Variants in PPP2R5C observed in about 807,000 individuals in gnomAD.
PPP2R5C encodes the protein protein phosphatase 2 regulatory subunit B'gamma.
In PPP2R5C, 7 loss-of-function variants were observed where a neutral mutation model predicts 68.9. The observed-to-expected ratio is 0.10, with a 90% CI of 0.06 to 0.19. The LOEUF (loss-of-function observed/expected upper bound fraction) is 0.19, where lower values mean the gene tolerates loss of function less well. Ranked by LOEUF, PPP2R5C falls within the 10% of genes least tolerant of loss-of-function variation. The pLI, the probability that PPP2R5C is intolerant of heterozygous loss-of-function variation, is 1.00. For synonymous variants in PPP2R5C, 210 were observed against 222.2 expected, an observed-to-expected ratio of 0.95 and a Z score of 0.49; for missense variants, 348 against 641.3, an observed-to-expected ratio of 0.54 and a Z score of 4.94.
chr14:101,922,187 AAG>A, intron 13 of PPP2R5C: 5 of 985,378 alleles, frequency 5.1e-6, no homozygotes, highest in Non-Finnish European at 4.8e-6. Flanking sequence ...AAAACAAAGA[AAG>A]AAATTTGGCA....
intron 3 of PPP2R5C, among the ~76,000 whole-genome samples, chr14:101,800,910 T>C (rs997815471): frequency 6.6e-6 from 1 of 152,180 alleles, no homozygotes; most frequent in African/African-American, 2.4e-5. Context: ...TAGAAACCTG[T>C]CATTTGCAGC....
chr14:101,780,212 A>G (rs1239663021), intron 2 of PPP2R5C, among the ~76,000 whole-genome samples: 1 of 152,200 alleles, frequency 6.6e-6, no homozygotes, highest in Non-Finnish European at 1.5e-5. Flanking sequence ...CTCAGGAGTA[A>G]GCATTAAATC....
At chr14:101,818,168 G>A (rs1159651627) in intron 1 of PPP2R5C, 1 of 152,136 alleles carries the variant, frequency 6.6e-6, no homozygotes, top group Non-Finnish European at 1.5e-5. Context: ...CATGTCCACG[G>A]CCTCAGTTCA....
chr14:101,769,970 C>G (rs772216816), intron 2 of PPP2R5C, among the ~76,000 whole-genome samples: 13 of 152,144 alleles, frequency 8.5e-5, no homozygotes, highest in African/African-American at 1.4e-4. Flanking sequence ...ATGGAATAGC[C>G]TGTCACTCCA....
chr14:101,826,329 G>A (rs1354571765), intron 1 of PPP2R5C, among the ~76,000 whole-genome samples: 1 of 152,166 alleles, frequency 6.6e-6, no homozygotes. Context: ...AGGGTGTGAG[G>A]TAAGGGTCCA....
rs1595173041 is a variant in PPP2R5C at position 101,791,275 on chromosome 14, G to T, written c.259+5092G>T. ...ATGGTGTCTCACTGTGGTTTCCATT[G>T]GCCTTTCCCCAATGACTGGAAATTT... is the stretch of plus-strand genomic sequence containing the variant. On this transcript the variant is annotated intron_variant, in intron 3 of 14. Coordinates refer to the PPP2R5C transcript ENST00000328724. Among the ~76,000 whole-genome samples, 9 of 152,136 alleles carry T rather than the reference G, an allele frequency of 5.9e-5. No individual in the cohort carries two copies. In the South Asian group the frequency reaches 1.9e-3, roughly 32 times the overall value.
intron 12 of PPP2R5C, 35 bp downstream of exon 14, chr14:101,912,508 G>T: frequency 1.3e-6 from 2 of 1,573,614 alleles, no homozygotes; most frequent in East Asian, 2.3e-5. Context: ...AAACGCCCAG[G>T]GTTACTTGAA....
intron 3 of PPP2R5C, among the ~76,000 whole-genome samples, chr14:101,804,333 A>T (rs1426647067): frequency 6.6e-6 from 1 of 152,218 alleles, no homozygotes; most frequent in Admixed American, 6.5e-5. Flanking sequence ...AAAACTAAAA[A>T]TTGAGCTACC....
At chr14:101,849,011 T>C (rs549330129) in intron 1 of PPP2R5C, among the ~76,000 whole-genome samples, 1 of 152,322 alleles carries the variant, frequency 6.6e-6, no homozygotes, top group African/African-American at 2.4e-5. Flanking sequence ...TAAATGAAAT[T>C]ATACTGAATA....
chr14:101,764,268 G>A lies in PPP2R5C; in HGVS notation c.93+1298G>A, dbSNP rs929078864. Among the ~76,000 whole-genome samples the A allele has an allele frequency of 4.6e-5, 7 of 152,216 alleles. No individual in the cohort carries two copies. In the South Asian group the frequency reaches 1.2e-3, roughly 27 times the overall value. ...CTAGGGCCAAGGGTCCAGGAGCTGC[G>A]TGGACCCAGGCAGAGCCAGTAGGTC... On this transcript the variant is annotated intron_variant, in intron 2 of 14. Coordinates refer to the PPP2R5C transcript ENST00000328724.
chr14:101,760,579 T>G (rs1595370173), upstream of PPP2R5C: 4 of 547,972 alleles, frequency 7.3e-6, no homozygotes, highest in Non-Finnish European at 8.8e-6. Context: ...CGGCAAAAGC[T>G]GCGGAGGGCG....
rs117110892 is a variant in PPP2R5C, at chr14:101,859,158, C to T, written c.294+2273C>T. ...GTTTTGGGGTGAGGAAATAGAATGG[C>T]GAACAAGACTTCTGCCCTCCTAAAG... is the stretch of plus-strand genomic sequence containing the variant. On this transcript the variant is annotated intron_variant, in intron 2 of 13. Transcript: ENST00000334743. Among the ~76,000 whole-genome samples, 21 of 152,310 alleles carry T rather than the reference C, an allele frequency of 1.4e-4. No individual in the cohort carries two copies. In the East Asian group the frequency reaches 4.0e-3, roughly 29 times the overall value.
chr14:101,899,464 CCCT>C lies in PPP2R5C; in HGVS notation c.853-2249_853-2247del. ...CGGATTCACATTCCCTGAGTAGACA[CCCT>C]CCTCCACAGAGCACGCCACACTGAC... On this transcript the variant is annotated intron_variant, in intron 8 of 13. Transcript: ENST00000334743. The surrounding 1 kb of genome is among the most constrained non-coding windows in gnomAD (Gnocchi z 4.2). Among the ~76,000 whole-genome samples the C allele has an allele frequency of 6.6e-6, 1 of 152,342 alleles. No individual in the cohort carries two copies. Among genetic ancestry groups the C allele is most frequent in the East Asian group, 1.9e-4 (1 of 5,182 alleles).
intron 3 of PPP2R5C, among the ~76,000 whole-genome samples, chr14:101,787,606 A>T (rs2038168994): frequency 1.3e-5 from 2 of 151,968 alleles, no homozygotes; most frequent in Non-Finnish European, 2.9e-5. Context: ...TACTAAAAAT[A>T]CAAAAACAAA....
chr14:101,771,631 G>A (rs781457059), intron 2 of PPP2R5C, among the ~76,000 whole-genome samples: 4 of 151,952 alleles, frequency 2.6e-5, no homozygotes, highest in Admixed American at 6.6e-5. Flanking sequence ...GGGAGGCTGA[G>A]GCATAAGAAT....
At position 101,763,072 on chromosome 14, in the gene PPP2R5C, C is replaced by G. The variant is rs967823065; in HGVS notation, c.93+102C>G. On this transcript the variant is annotated intron_variant, in intron 2 of 14. Coordinates refer to the PPP2R5C transcript ENST00000328724. ...GCCTAGAATCTTCTAAAATGTTTCC[C>G]TATGTGAGGTTTTTTTTTTGTGGTG... 14 of 1,033,194 alleles carry G rather than the reference C, an allele frequency of 1.4e-5. No homozygotes were observed. The East Asian group carries it at 3.4e-4, about 25-fold the overall frequency. 64.0% of individuals were successfully genotyped at this position (1,033,194 alleles called of 1,614,324 possible).
In PPP2R5C at chr14:101,882,359, C is replaced by G. The variant is rs1342238466; in HGVS notation, c.405+88C>G. ...CACAGAGCGGGCGCACTGGTCTGGC[C>G]AGATGGACCTCTCCTCCTCAGTAGC... On this transcript the variant is annotated intron_variant, in intron 3 of 13. Coordinates refer to ENST00000334743, the Ensembl canonical transcript of PPP2R5C. This position sits in a 1 kb window ranked among gnomAD's most constrained non-coding sequence, Gnocchi z 4.9. The G allele has an allele frequency of 1.3e-5, 12 of 914,154 alleles. No homozygotes were observed. In the East Asian group the frequency reaches 3.2e-4, roughly 25 times the overall value. The allele number at this position is 914,154 out of a possible 1,614,324, so 56.6% of individuals were successfully genotyped here.
intron 1 of PPP2R5C, among the ~76,000 whole-genome samples, chr14:101,812,630 T>C (rs761754559): frequency 1.3e-5 from 2 of 152,256 alleles, no homozygotes; most frequent in Non-Finnish European, 2.9e-5. Flanking sequence ...AGTGGTATTT[T>C]CCCCAATGCC....
At chr14:101,814,648 T>A (rs2039552786) in intron 1 of PPP2R5C, among the ~76,000 whole-genome samples, 1 of 152,180 alleles carries the variant, frequency 6.6e-6, no homozygotes, top group South Asian at 2.1e-4. Context: ...CATTAAAGTA[T>A]GTTGTGTAGA....
Sources: allele counts gnomAD v4.1 joint callset (sites outside exome capture counted in the v4.1 genomes callset), GRCh38; gene constraint gnomAD v4.1.1; non-coding constraint Gnocchi (gnomAD v3.1); transcripts MANE v1.5; gene names NCBI Gene and HGNC (gene_info 2026-07-23, HGNC 2026-07-21).